Variants in PPP3CC observed in about 807,000 individuals in gnomAD.
PPP3CC encodes the protein protein phosphatase 3 catalytic subunit gamma.
A neutral mutation model predicts 60.3 loss-of-function variants in PPP3CC; 35 were observed. The observed-to-expected ratio is 0.58, with a 90% CI of 0.44 to 0.77. The LOEUF is 0.77. Ranked by LOEUF, PPP3CC falls within the 30% of genes least tolerant of loss-of-function variation. The pLI is 0.00. For synonymous variants in PPP3CC, 206 were observed against 224.3 expected (o/e 0.92, Z 0.73); for missense variants, 570 against 628.9 (o/e 0.91, Z 1.00).
Position 22,527,376 on chromosome 8 carries a change from C to G in PPP3CC, c.944-16C>G, listed in dbSNP as rs1278544496. ...TGTTCCTCTGTGCCAGATTTTCTTG[C>G]TTTTTTCCTTTTTAGCTGCTGTGTT... is the stretch of plus-strand genomic sequence containing the variant. On this transcript the variant is annotated splice_polypyrimidine_tract_variant and intron_variant, in intron 8 of 13. Coordinates refer to ENST00000240139, the MANE Select transcript of PPP3CC (RefSeq NM_005605.5). 1 of 1,612,958 alleles carries G rather than the reference C, an allele frequency of 6.2e-7. No individual in the cohort carries two copies. Among genetic ancestry groups the G allele is most frequent in the Non-Finnish European group, 8.5e-7 (1 of 1,179,168 alleles).
At chr8:22,492,852 C>T in intron 3 of PPP3CC, 1 of 1,016,344 alleles carries the variant, frequency 9.8e-7, no homozygotes, top group Non-Finnish European at 1.6e-6. Flanking sequence ...AGCAGAGATG[C>T]CAGCAAACTC....
At chr8:22,457,376 C>T (rs900068327) in intron 1 of PPP3CC, among the ~76,000 whole-genome samples, 1 of 150,482 alleles carries the variant, frequency 6.6e-6, no homozygotes, top group African/African-American at 2.4e-5. Context: ...GATCTCGGCT[C>T]ACTGCAACCT....
rs574064236 is a variant in PPP3CC, at chr8:22,464,073, C to T, written c.50-10881C>T. On this transcript the variant is annotated intron_variant, in intron 1 of 13. Coordinates refer to ENST00000240139, the MANE Select transcript of PPP3CC (RefSeq NM_005605.5). ...AATATTTTCTTTAAGCCGAAAGATA[C>T]TTAAATGTTGAAGTATATTTATTTT... 2.2e-4 allele frequency among the ~76,000 whole-genome samples: 34 copies of T among 152,204 alleles called. 2 individuals carry two copies. The highest frequency in any genetic ancestry group is 2.0e-3 in the Admixed American group (31 of 15,284).
intron 3 of PPP3CC, chr8:22,492,860 C>G (rs556467655): frequency 3.8e-6 from 4 of 1,048,564 alleles, no homozygotes; most frequent in Non-Finnish European, 6.0e-6. Context: ...TGCCAGCAAA[C>G]TCTTTCACCA....
chr8:22,446,037 A>G (rs1467008050), intron 1 of PPP3CC, among the ~76,000 whole-genome samples: 1 of 152,236 alleles, frequency 6.6e-6, no homozygotes, highest in East Asian at 1.9e-4. Flanking sequence ...GACATTTGAT[A>G]ATTAAGCTTT....
chr8:22,471,401 C>T (rs564408081), intron 1 of PPP3CC, among the ~76,000 whole-genome samples: 6 of 151,018 alleles, frequency 4.0e-5, no homozygotes, highest in Non-Finnish European at 7.4e-5. Flanking sequence ...CATGAGATGA[C>T]TTTGTCATTG....
At position 22,528,531 on chromosome 8, in the gene PPP3CC, C is replaced by T. The variant is rs1163400628; in HGVS notation, c.1095C>T (p.Leu365=). 1.3e-6 allele frequency: 2 copies of T among 1,558,198 alleles called. No homozygotes were observed. The highest frequency in any genetic ancestry group is 4.6e-5 in the East Asian group (2 of 43,824). Residue 365 remains leucine, a synonymous_variant, in exon 10 of 14, where the codon CTC becomes CTT. Coordinates refer to ENST00000240139, the MANE Select transcript of PPP3CC (RefSeq NM_005605.5). ...TCACAGAGATGCTGGTAAATGTGCT[C>T]AACATATGCTCTGATGACGAACTGA... ...EKVTEMLVNV[L]NICSDDELIS...
At chr8:22,502,485 G>T (rs891708712) in intron 4 of PPP3CC, among the ~76,000 whole-genome samples, 15 of 152,144 alleles carry the variant, frequency 9.9e-5, no homozygotes, top group African/African-American at 3.6e-4. Flanking sequence ...AGGAGTTCGA[G>T]ACTAACATGG....
At chr8:22,443,360 A>G (rs1298650286) in intron 1 of PPP3CC, among the ~76,000 whole-genome samples, 1 of 152,044 alleles carries the variant, frequency 6.6e-6, no homozygotes, top group African/African-American at 2.4e-5. Flanking sequence ...CATCTCTACT[A>G]AACATACAAA....
At chr8:22,464,760 TCTTTA>T (rs903574816) in intron 1 of PPP3CC, among the ~76,000 whole-genome samples, 1 of 152,110 alleles carries the variant, frequency 6.6e-6, no homozygotes, top group Non-Finnish European at 1.5e-5. Context: ...ATAGTTGTAG[TCTTTA>T]CTTAAGTTTG....
intron 10 of PPP3CC, chr8:22,531,313 C>T: frequency 6.5e-7 from 1 of 1,532,126 alleles, no homozygotes; most frequent in Non-Finnish European, 8.7e-7. Context: ...TCACTACATT[C>T]CAAGCTATCA....
At chr8:22,510,386 CATT>C in intron 4 of PPP3CC, among the ~76,000 whole-genome samples, 1 of 152,268 alleles carries the variant, frequency 6.6e-6, no homozygotes, top group Admixed American at 6.5e-5. Flanking sequence ...TGAGCAAAAA[CATT>C]ATTGACATTT....
chr8:22,479,413 ATCT>A (rs1236341762), intron 3 of PPP3CC, among the ~76,000 whole-genome samples: 1 of 152,002 alleles, frequency 6.6e-6, no homozygotes, highest in Admixed American at 6.6e-5. Context: ...TCCTTTTCTG[ATCT>A]TCTTTTTCCA....
chr8:22,446,805 C>CA (rs34407184), intron 1 of PPP3CC, among the ~76,000 whole-genome samples: 440 of 21,850 alleles, frequency 0.02, 36 homozygotes, highest in Non-Finnish European at 0.037. Context: ...GACTCTGTCT[C>CA]AAAAAAAAAA....
intron 1 of PPP3CC, among the ~76,000 whole-genome samples, chr8:22,447,038 C>T (rs1027045697): frequency 5.3e-5 from 8 of 151,876 alleles, no homozygotes; most frequent in East Asian, 1.9e-4. Context: ...GACAGGGTCT[C>T]GCTCTGTTGC....
Position 22,513,320 on chromosome 8 carries a change from T to G in PPP3CC, c.658T>G (p.Phe220Val), listed in dbSNP as rs370906756. The G allele has an allele frequency of 1.2e-6, 2 of 1,613,262 alleles. No homozygotes were observed. Among genetic ancestry groups the G allele is most frequent in the Non-Finnish European group, 1.7e-6 (2 of 1,179,734 alleles). Residue 220 changes from phenylalanine (F) to valine (V), a missense_variant, in exon 6 of 14, where the codon TTT (phenylalanine) becomes GTT (valine). Physicochemically the swap from Phe to Val is conservative, Grantham distance 50. Coordinates refer to ENST00000240139, the MANE Select transcript of PPP3CC (RefSeq NM_005605.5). ...AGACAGGTTTACGGAACCTCCCGCC[T>G]TTGGACCTGTGTGTGACCTGCTTTG... ...KLDRFTEPPAFGPVCDLLWSD... is the reference protein window; with the variant it reads ...KLDRFTEPPAVGPVCDLLWSD...
chr8:22,530,689 G>T (rs1479586033), intron 10 of PPP3CC, among the ~76,000 whole-genome samples: 6 of 151,092 alleles, frequency 4.0e-5, no homozygotes, highest in Non-Finnish European at 5.9e-5. Flanking sequence ...AAATTAGCTG[G>T]GGTGTGGTGG....
intron 3 of PPP3CC, among the ~76,000 whole-genome samples, chr8:22,476,751 T>G (rs570516145): frequency 2.0e-5 from 3 of 151,904 alleles, no homozygotes; most frequent in South Asian, 2.1e-4. Flanking sequence ...GGTAACATGG[T>G]GAAACGCCGT....
chr8:22,477,159 T>C (rs1328641990), intron 3 of PPP3CC, among the ~76,000 whole-genome samples: 1 of 152,110 alleles, frequency 6.6e-6, no homozygotes, highest in Non-Finnish European at 1.5e-5. Flanking sequence ...ATATCATTCA[T>C]GTTTCAGTAG....
Sources: gnomAD v4.1 joint callset for allele counts (sites outside exome capture counted in the v4.1 genomes callset) on GRCh38, gnomAD v4.1.1 for gene constraint, MANE v1.5 for transcripts, NCBI Gene and HGNC (gene_info 2026-07-23, HGNC 2026-07-21) for gene names.